Variants in REXO2 observed in about 807,000 individuals in gnomAD.
REXO2 encodes the protein oligoribonuclease, mitochondrial.
In REXO2, 17 loss-of-function variants were observed where a neutral mutation model predicts 30.9. The observed-to-expected ratio is 0.55, with a 90% CI of 0.38 to 0.82. REXO2 has a LOEUF of 0.82. Among genes scored for constraint, REXO2 ranks in the 40% least tolerant of loss-of-function variants. The probability of loss-of-function intolerance (pLI) is 0.00; values close to 1 mark genes in which losing one functional copy is unlikely to be tolerated. For synonymous variants in REXO2, 105 were observed against 99.6 expected, an observed-to-expected ratio of 1.05 and a Z score of -0.32; for missense variants, 253 against 293.2, an observed-to-expected ratio of 0.86 and a Z score of 1.00.
chr11:114,442,051 G>A (rs1946482172), intron 2 of REXO2: 1 of 436,360 alleles, frequency 2.3e-6, no homozygotes, highest in East Asian at 3.7e-5. Context: ...CAGTTTAATG[G>A]ACCCGTAGGT....
At position 114,444,570 on chromosome 11, in the gene REXO2, T is replaced by C; in HGVS notation, c.339T>C (p.Ser113=). The C allele has an allele frequency of 6.2e-7, 1 of 1,612,446 alleles. No individual in the cohort carries two copies. Among genetic ancestry groups the C allele is most frequent in the Non-Finnish European group, 8.5e-7 (1 of 1,179,560 alleles). The part of the protein sequence containing the change: ...KSGLTKAVKE[S]TITLQQAEYE... The stretch of plus-strand genomic sequence containing the variant: ...GCCTTACCAAGGCAGTGAAGGAGAG[T>C]ACAATTACATTGCAGCAGGCAGAGT... Residue 113 remains serine, a synonymous_variant, in exon 4 of 7, where the codon AGT becomes AGC. Transcript: ENST00000265881.
intron 3 of REXO2, 69 bp from the exon 4 acceptor site, chr11:114,444,472 T>C (rs1207529737): frequency 3.6e-6 from 4 of 1,124,680 alleles, no homozygotes; most frequent in East Asian, 4.7e-5. Context: ...TGAAATTTCA[T>C]TTCTGGATGC....
At position 114,450,044 on chromosome 11, in the gene REXO2, T is replaced by C. The variant is rs1591213204; in HGVS notation, c.*69T>C. 5 of 1,503,714 alleles carry C rather than the reference T, an allele frequency of 3.3e-6. No individual in the cohort carries two copies. Among genetic ancestry groups the C allele is most frequent in the South Asian group, 1.3e-5 (1 of 78,028 alleles). The allele number at this position is 1,503,714 out of a possible 1,614,324, so 93.1% of individuals were successfully genotyped here. ...TTCTGGTGGTTTTTTTTTCTCACGC[T>C]GATGGCTTGGCAGAGCACCTTCGGT... is the stretch of plus-strand genomic sequence containing the variant. On this transcript the variant is annotated 3_prime_UTR_variant, in exon 7 of 7. Transcript: ENST00000265881.
Position 114,446,084 on chromosome 11 carries a change from G to A in REXO2, c.527G>A (p.Cys176Tyr), listed in dbSNP as rs1224922925. The A allele has an allele frequency of 1.3e-6, 2 of 1,484,036 alleles. No homozygotes were observed. The highest frequency in any genetic ancestry group is 4.6e-5 in the East Asian group (2 of 43,792). 91.9% of individuals were successfully genotyped at this position (1,484,036 alleles called of 1,614,324 possible). Residue 176 changes from cysteine (C) to tyrosine (Y), a missense_variant, in exon 5 of 7, where the codon TGC (cysteine) becomes TAC (tyrosine). By Grantham distance (194) the Cys-to-Tyr change is radical (BLOSUM62 -2). Transcript: ENST00000265881. The stretch of plus-strand genomic sequence containing the variant: ...GATGTGAGCACTGTTAAAGAACTGT[G>A]CAGGTAAGGGCTATATTTAGGATCC... Reference protein sequence around the residue: ...IIDVSTVKELCRRWYPEEYEF... With the variant: ...IIDVSTVKELYRRWYPEEYEF...
At chr11:114,447,998 T>A in intron 6 of REXO2, 119 bp downstream of exon 6, 1 of 744,664 alleles carries the variant, frequency 1.3e-6, no homozygotes. Flanking sequence ...AAAGTTCAAC[T>A]AGCATAAACA....
At chr11:114,443,153 C>T (rs1408160811) in intron 2 of REXO2, among the ~76,000 whole-genome samples, 1 of 151,926 alleles carries the variant, frequency 6.6e-6, no homozygotes, top group Admixed American at 6.6e-5. Context: ...CCCTGTCACC[C>T]AGGTTGGAGT....
intron 5 of REXO2, among the ~76,000 whole-genome samples, chr11:114,447,031 C>G (rs1254958743): frequency 6.6e-6 from 1 of 150,752 alleles, no homozygotes; most frequent in South Asian, 2.1e-4. Flanking sequence ...CTCCGCCTTC[C>G]GGATTCACGC....
In REXO2 at chr11:114,447,830, T is replaced by C; in HGVS notation, c.535T>C (p.Trp179Arg). The change falls in exon 6 of 7, where the codon TGG becomes CGG. Residue 179 changes from tryptophan to arginine, a missense_variant. By Grantham distance (101) the Trp-to-Arg change is moderately radical. Transcript: ENST00000265881. ...TTCCATTTCTGCTGTGTATAGACGC[T>C]GGTATCCAGAAGAATATGAATTTGC... is the stretch of plus-strand genomic sequence containing the variant. Reference protein sequence around the residue: ...VSTVKELCRRWYPEEYEFAPK... With the variant: ...VSTVKELCRRRYPEEYEFAPK... 6.2e-7 allele frequency: 1 copy of C among 1,613,580 alleles called. No individual in the cohort carries two copies. Among genetic ancestry groups the C allele is most frequent in the South Asian group, 1.1e-5 (1 of 90,998 alleles).
intron 3 of REXO2, 189 bp from the exon 4 acceptor site, chr11:114,444,352 A>G (rs1358604261): frequency 3.1e-6 from 2 of 638,840 alleles, no homozygotes; most frequent in African/African-American, 1.8e-5. Context: ...ATCATAACTA[A>G]GTTGGCTTGG....
At chr11:114,442,503 C>T (rs759394455) in intron 2 of REXO2, among the ~76,000 whole-genome samples, 13 of 152,000 alleles carry the variant, frequency 8.6e-5, no homozygotes, top group Non-Finnish European at 1.6e-4. Flanking sequence ...TCTTGTTTGG[C>T]TAAATCTCCT....
chr11:114,444,893 A>G (rs1946502726), intron 4 of REXO2, among the ~76,000 whole-genome samples: 1 of 152,220 alleles, frequency 6.6e-6, no homozygotes, highest in African/African-American at 2.4e-5. Flanking sequence ...AATTTCTCCC[A>G]TATTTTTATG....
intron 5 of REXO2, 125 bp from the exon 6 acceptor site, chr11:114,447,701 A>G (rs528902486): frequency 4.7e-5 from 34 of 718,978 alleles, no homozygotes; most frequent in South Asian, 3.6e-4. Context: ...AGGCCCCGGC[A>G]AAGAAGCAAC....
rs757135848 is a variant in REXO2 at position 114,447,854 on chromosome 11, G to T, written c.559G>T (p.Ala187Ser). ...RRWYPEEYEF[A>S]PKKAASHRAL... is the part of the protein sequence containing the mutation. ...CTGGTATCCAGAAGAATATGAATTT[G>T]CACCAAAGAAGGCTGCTTCTCATAG... Residue 187 changes from alanine to serine, a missense_variant, in exon 6 of 7, where the codon GCA (alanine) becomes TCA (serine). By Grantham distance (99) the Ala-to-Ser change is moderately conservative. Coordinates refer to ENST00000265881, the MANE Select transcript of REXO2 (RefSeq NM_015523.4). 3 of 1,613,742 alleles carry T rather than the reference G, an allele frequency of 1.9e-6. No homozygotes were observed. The highest frequency in any genetic ancestry group is 1.7e-6 in the Non-Finnish European group (2 of 1,179,886).
At chr11:114,441,370 A>C (rs558570486) in intron 2 of REXO2, among the ~76,000 whole-genome samples, 2 of 152,316 alleles carry the variant, frequency 1.3e-5, no homozygotes, top group South Asian at 4.1e-4. Context: ...AAGATTTTAG[A>C]ATTTCTGTTA....
chr11:114,449,985 T>A lies in REXO2; in HGVS notation c.*10T>A, dbSNP rs765095620. 6.3e-7 allele frequency: 1 copy of A among 1,587,016 alleles called. No homozygotes were observed. Among genetic ancestry groups the A allele is most frequent in the African/African-American group, 1.4e-5 (1 of 73,166 alleles). On this transcript the variant is annotated 3_prime_UTR_variant, in exon 7 of 7. Coordinates refer to ENST00000265881, the MANE Select transcript of REXO2 (RefSeq NM_015523.4). ...GAAGACCGTGAGTTGATGCCAGTTA[T>A]CATGCTGCCACTACATCGTTATCTG...
chr11:114,449,454 A>G (rs941313286), intron 6 of REXO2, among the ~76,000 whole-genome samples: 3 of 152,134 alleles, frequency 2.0e-5, no homozygotes, highest in Non-Finnish European at 4.4e-5. Flanking sequence ...TTAGAAATAT[A>G]GGACAGCTTC....
chr11:114,446,636 G>A (rs976095410), intron 5 of REXO2, among the ~76,000 whole-genome samples: 4 of 152,180 alleles, frequency 2.6e-5, no homozygotes, highest in African/African-American at 9.7e-5. Flanking sequence ...TTTTATTGAG[G>A]AGAGAGCATT....
chr11:114,449,922 G>T lies in REXO2; in HGVS notation c.661G>T (p.Glu221Ter). ...TAACATCTTCAAGAAAAAAATAGAT[G>T]AAAAGAAGAGGAAAATTATAGAAAA... is the stretch of plus-strand genomic sequence containing the variant. ...RNNIFKKKID[E>*]KKRKIIENGE... The change falls in exon 7 of 7, where the codon GAA becomes TAA. Residue 221 changes from glutamate (E) to a stop codon, truncating the protein, a stop_gained. Transcript: ENST00000265881. LOFTEE classifies it high-confidence loss of function. 6.2e-7 allele frequency: 1 copy of T among 1,608,888 alleles called. No homozygotes were observed. The highest frequency in any genetic ancestry group is 1.1e-5 in the South Asian group (1 of 90,136).
At chr11:114,440,095 A>T (rs773253812) in intron 1 of REXO2, 1 of 470,780 alleles carries the variant, frequency 2.1e-6, no homozygotes, top group Non-Finnish European at 4.2e-6. Context: ...CTTACCCCTC[A>T]TTCCATAAGT....
Sources: gnomAD v4.1 joint callset for allele counts (sites outside exome capture counted in the v4.1 genomes callset) on GRCh38, gnomAD v4.1.1 for gene constraint, MANE v1.5 for transcripts, NCBI Gene and HGNC (gene_info 2026-07-23, HGNC 2026-07-21) for gene names.